MAP2K5: variants seen among roughly 807,000 people sequenced by gnomAD.
MAP2K5 encodes the protein dual specificity mitogen-activated protein kinase kinase 5.
In MAP2K5, 49 loss-of-function variants were observed where a neutral mutation model predicts 83.1. The observed-to-expected ratio is 0.59, with a 90% CI of 0.47 to 0.75. The LOEUF (loss-of-function observed/expected upper bound fraction) is 0.75. Among genes scored for constraint, MAP2K5 ranks in the 30% least tolerant of loss-of-function variants. The pLI is 0.00. For synonymous variants in MAP2K5, 202 were observed against 191.8 expected, an observed-to-expected ratio of 1.05 and a Z score of -0.44; for missense variants, 457 against 557.5, an observed-to-expected ratio of 0.82 and a Z score of 1.82.
At chr15:67,630,306 C>A (rs1440124141) in intron 8 of MAP2K5, among the ~76,000 whole-genome samples, 1 of 152,034 alleles carries the variant, frequency 6.6e-6, no homozygotes, top group South Asian at 2.1e-4. Context: ...TTTCTGTAAA[C>A]CCTATTCTCA....
At position 67,774,223 on chromosome 15, in the gene MAP2K5, A is replaced by G. The variant is rs1424936669; in HGVS notation, c.1242+1471A>G. On this transcript the variant is annotated intron_variant, in intron 21 of 21. Transcript: ENST00000178640. The surrounding 1 kb of genome is among the most constrained non-coding windows in gnomAD (Gnocchi z 4.9). ...TGTGTGAGAGAACATAGGTATTTAG[A>G]TATATCTCTTTACAACTCTATACCC... is the stretch of plus-strand genomic sequence containing the variant. 6.6e-6 allele frequency among the ~76,000 whole-genome samples: 1 copy of G among 151,890 alleles called. No individual in the cohort carries two copies. Among genetic ancestry groups the G allele is most frequent in the Non-Finnish European group, 1.5e-5 (1 of 67,976 alleles).
intron 8 of MAP2K5, among the ~76,000 whole-genome samples, chr15:67,619,159 A>G (rs2086123099): frequency 1.3e-5 from 2 of 152,058 alleles, no homozygotes; most frequent in Non-Finnish European, 1.5e-5. Flanking sequence ...CTTCCCCTAG[A>G]TGTCCGAATG....
intron 4 of MAP2K5, 111 bp from the exon 5 acceptor site, chr15:67,585,779 T>G: frequency 1.1e-6 from 1 of 904,854 alleles, no homozygotes; most frequent in Non-Finnish European, 1.8e-6. Flanking sequence ...TTTTCAATCA[T>G]TTCTCTCTGC....
chr15:67,703,441 T>C (rs1464670168), intron 16 of MAP2K5, 33 bp downstream of exon 16: 3 of 1,471,970 alleles, frequency 2.0e-6, no homozygotes, highest in Non-Finnish European at 2.8e-6. Flanking sequence ...CTTCTGTGCA[T>C]ATCTGTACTA....
chr15:67,682,839 T>TAA (rs576946690), intron 13 of MAP2K5, among the ~76,000 whole-genome samples: 207 of 133,976 alleles, frequency 1.5e-3, no homozygotes, highest in African/African-American at 5.3e-3. Context: ...TCTCAAAAAA[T>TAA]AAAAAAAAAA....
At position 67,769,296 on chromosome 15, in the gene MAP2K5, T is replaced by G. The variant is rs185882895; in HGVS notation, c.1135-306T>G. ...CAAGACCATTTGTGTGTTACTTAAA[T>G]AATCATTAATTTCTCATTTACACTT... On this transcript the variant is annotated intron_variant, in intron 19 of 21. Transcript: ENST00000178640. The surrounding 1 kb of genome is among the most constrained non-coding windows in gnomAD (Gnocchi z 5.2). Among the ~76,000 whole-genome samples, 1 of 152,310 alleles carries G rather than the reference T, an allele frequency of 6.6e-6. No individual in the cohort carries two copies. Among genetic ancestry groups the G allele is most frequent in the African/African-American group, 2.4e-5 (1 of 41,560 alleles).
Position 67,769,600 on chromosome 15 carries a change from A to T in MAP2K5, c.1135-2A>T. The T allele has an allele frequency of 1.9e-6, 3 of 1,613,722 alleles. No individual in the cohort carries two copies. Among genetic ancestry groups the T allele is most frequent in the Non-Finnish European group, 2.5e-6 (3 of 1,179,728 alleles). ...TGGTGACATGTTTTTCCTCCATCACAGGATTCGCCCGTCCTTCCAGTTGGA... is the reference window on the plus strand; with the variant it reads ...TGGTGACATGTTTTTCCTCCATCACTGGATTCGCCCGTCCTTCCAGTTGGA... On this transcript the variant is annotated splice_acceptor_variant, in intron 19 of 21. Transcript: ENST00000178640. LOFTEE classifies it high-confidence loss of function. The surrounding 1 kb of genome is among the most constrained non-coding windows in gnomAD (Gnocchi z 5.2).
At position 67,724,462 on chromosome 15, in the gene MAP2K5, A is replaced by G. The variant is rs2089044184; in HGVS notation, c.1045-3454A>G. 6.6e-6 allele frequency among the ~76,000 whole-genome samples: 1 copy of G among 152,044 alleles called. No individual in the cohort carries two copies. Among genetic ancestry groups the G allele is most frequent in the Non-Finnish European group, 1.5e-5 (1 of 68,002 alleles). On this transcript the variant is annotated intron_variant, in intron 16 of 21. Transcript: ENST00000178640. The surrounding 1 kb of genome is among the most constrained non-coding windows in gnomAD (Gnocchi z 4.4). ...AGTCTGGAATGCAATGGCATGGTCA[A>G]GGCTCACTGCAGTCTCTACCTCCCC... is the stretch of plus-strand genomic sequence containing the variant.
rs2089885952 is a variant in MAP2K5 at position 67,758,546 on chromosome 15, ACCTAACAT to A, written c.1134+9950_1134+9957del. On this transcript the variant is annotated intron_variant, in intron 19 of 21. Transcript: ENST00000178640. This position sits in a 1 kb window ranked among gnomAD's most constrained non-coding sequence, Gnocchi z 4.7. Reference sequence around the variant, plus strand: ...TTTATTTCTGTCTTCCTAGTACTGCACCTAACATCCTATAGGCTCTTGTAAATATTCAT... The same window carrying A: ...TTTATTTCTGTCTTCCTAGTACTGCACCTATAGGCTCTTGTAAATATTCAT... Among the ~76,000 whole-genome samples, 1 of 152,190 alleles carries A rather than the reference ACCTAACAT, an allele frequency of 6.6e-6. No homozygotes were observed. Among genetic ancestry groups the A allele is most frequent in the African/African-American group, 2.4e-5 (1 of 41,434 alleles).
chr15:67,655,651 T>G (rs939227010), intron 11 of MAP2K5, among the ~76,000 whole-genome samples: 10 of 152,186 alleles, frequency 6.6e-5, no homozygotes, highest in Non-Finnish European at 1.3e-4. Flanking sequence ...TCTTTTTGTC[T>G]TTGGCTATGG....
At chr15:67,585,518 C>T (rs995345098) in intron 4 of MAP2K5, among the ~76,000 whole-genome samples, 2 of 152,172 alleles carry the variant, frequency 1.3e-5, no homozygotes, top group Non-Finnish European at 2.9e-5. Context: ...ACAAAAAAAT[C>T]CCTTAGCTCT....
Position 67,782,192 on chromosome 15 carries a change from G to A in MAP2K5, c.1242+9440G>A, listed in dbSNP as rs568125663. On this transcript the variant is annotated intron_variant, in intron 21 of 21. Coordinates refer to ENST00000178640, the MANE Select transcript of MAP2K5 (RefSeq NM_145160.3). The surrounding 1 kb of genome is among the most constrained non-coding windows in gnomAD (Gnocchi z 4.9). Reference sequence around the variant, plus strand: ...CTTTCACAAAGAGGCAGTGTCTCCCGCCTCTGCGGTTTCAATAATTTTAAG... The same window carrying A: ...CTTTCACAAAGAGGCAGTGTCTCCCACCTCTGCGGTTTCAATAATTTTAAG... 2.6e-5 allele frequency among the ~76,000 whole-genome samples: 4 copies of A among 152,332 alleles called. No individual in the cohort carries two copies. Among genetic ancestry groups the A allele is most frequent in the Admixed American group, 6.5e-5 (1 of 15,308 alleles).
chr15:67,681,487 A>G (rs2087815617), intron 13 of MAP2K5, among the ~76,000 whole-genome samples: 1 of 152,216 alleles, frequency 6.6e-6, no homozygotes, highest in Non-Finnish European at 1.5e-5. Flanking sequence ...ATCTATTTTG[A>G]TGCCTATAAA....
chr15:67,551,642 ATTAT>A (rs2084513175), intron 2 of MAP2K5, among the ~76,000 whole-genome samples: 1 of 151,894 alleles, frequency 6.6e-6, no homozygotes, highest in Non-Finnish European at 1.5e-5. Flanking sequence ...CCACTGTGGG[ATTAT>A]TTATTTATTT....
chr15:67,629,614 A>G (rs1238334279), intron 8 of MAP2K5, among the ~76,000 whole-genome samples: 1 of 152,086 alleles, frequency 6.6e-6, no homozygotes, highest in African/African-American at 2.4e-5. Flanking sequence ...AATATGTTTT[A>G]CAACTGGGCA....
In MAP2K5 at chr15:67,719,551, G is replaced by T. The variant is rs2088903404; in HGVS notation, c.1045-8365G>T. On this transcript the variant is annotated intron_variant, in intron 16 of 21. Transcript: ENST00000178640. The surrounding 1 kb of genome is among the most constrained non-coding windows in gnomAD (Gnocchi z 4.6). Reference sequence around the variant, plus strand: ...TGTAGAACACTGGGAACTGTCACCAGGAAGGATGTGATACACACTGCCCAG... The same window carrying T: ...TGTAGAACACTGGGAACTGTCACCATGAAGGATGTGATACACACTGCCCAG... Among the ~76,000 whole-genome samples the T allele has an allele frequency of 6.6e-6, 1 of 152,212 alleles. No homozygotes were observed. Among genetic ancestry groups the T allele is most frequent in the African/African-American group, 2.4e-5 (1 of 41,468 alleles).
intron 4 of MAP2K5, among the ~76,000 whole-genome samples, chr15:67,583,013 A>G (rs887389325): frequency 1.3e-5 from 2 of 152,054 alleles, no homozygotes; most frequent in Admixed American, 1.3e-4. Flanking sequence ...AATCACAACC[A>G]TTTTTAGATG....
rs1157876655 is a variant in MAP2K5, at chr15:67,801,918, A to G, written c.1243-4728A>G. ...GAAAGTATGGGGACCCCAAATAGGT[A>G]CATTCCTATTTCAGAAGAAGCTCAA... On this transcript the variant is annotated intron_variant, in intron 21 of 21. Transcript: ENST00000178640. The surrounding 1 kb of genome is among the most constrained non-coding windows in gnomAD (Gnocchi z 4.8). Among the ~76,000 whole-genome samples the G allele has an allele frequency of 6.6e-6, 1 of 152,242 alleles. No homozygotes were observed. The highest frequency in any genetic ancestry group is 1.5e-5 in the Non-Finnish European group (1 of 68,030).
rs1420811270 is a variant in MAP2K5, at chr15:67,750,015, C to A, written c.1134+1414C>A. ...CCTCACCAATACTATGTGTGTTTCT[C>A]ATTTGAATGTTTTCTGCATCAAATA... On this transcript the variant is annotated intron_variant, in intron 19 of 21. Transcript: ENST00000178640. The surrounding 1 kb of genome is among the most constrained non-coding windows in gnomAD (Gnocchi z 4.2). 6.6e-6 allele frequency among the ~76,000 whole-genome samples: 1 copy of A among 152,212 alleles called. No individual in the cohort carries two copies. The highest frequency in any genetic ancestry group is 1.5e-5 in the Non-Finnish European group (1 of 68,036).
Sources: gnomAD v4.1 joint callset for allele counts (sites outside exome capture counted in the v4.1 genomes callset) on GRCh38, gnomAD v4.1.1 for gene constraint, Gnocchi (gnomAD v3.1) non-coding constraint, MANE v1.5 for transcripts, NCBI Gene and HGNC (gene_info 2026-07-23, HGNC 2026-07-21) for gene names.